Variants in GPC3 observed in about 807,000 individuals in gnomAD.
The protein encoded by GPC3 is glypican-3.
Under a neutral mutation model 34.4 loss-of-function variants are expected in GPC3, and 3 were observed. The ratio of observed to expected loss-of-function variants is 0.09; its 90% CI spans 0.04 to 0.23. GPC3 has a LOEUF of 0.23. Among genes scored for constraint, GPC3 ranks in the 10% least tolerant of loss-of-function variants. The pLI is 1.00. For synonymous variants in GPC3, 177 were observed against 174.0 expected (o/e 1.02, Z -0.13); for missense variants, 351 against 445.6 (o/e 0.79, Z 1.91).
At chrX:133,603,688 A>G (rs966945771) in intron 6 of GPC3, among the ~76,000 whole-genome samples, 13 of 111,709 alleles carry the variant, frequency 1.2e-4, no homozygotes, top group African/African-American at 4.2e-4. Flanking sequence ...ACAGGTACTC[A>G]GGGTTGTGTG....
intron 2 of GPC3, among the ~76,000 whole-genome samples, chrX:133,904,048 A>G (rs759055790): frequency 8.9e-6 from 1 of 112,427 alleles, no homozygotes; most frequent in African/African-American, 3.2e-5. Flanking sequence ...CAGATCCTCA[A>G]TACAATCTAG....
At chrX:133,911,646 C>T (rs2076200479) in intron 2 of GPC3, among the ~76,000 whole-genome samples, 2 of 111,862 alleles carry the variant, frequency 1.8e-5, no homozygotes, top group African/African-American at 6.5e-5. Flanking sequence ...CCCAATGGGG[C>T]TATACTTCCT....
At chrX:133,722,832 A>G (rs1301162049) in intron 3 of GPC3, among the ~76,000 whole-genome samples, 1 of 111,617 alleles carries the variant, frequency 9.0e-6, no homozygotes, top group Non-Finnish European at 1.9e-5. Context: ...GAATTTTGAA[A>G]AGGATATGAT....
At chrX:133,700,147 C>G (rs1362816688) in intron 3 of GPC3, 119 bp from the exon 4 acceptor site, 10 of 547,108 alleles carry the variant, frequency 1.8e-5, no homozygotes, top group Non-Finnish European at 3.1e-5. Context: ...AAAGCTATGA[C>G]TAGAGTCAAA....
intron 6 of GPC3, among the ~76,000 whole-genome samples, chrX:133,655,378 T>C (rs1365905962): frequency 1.8e-5 from 2 of 110,450 alleles, no homozygotes; most frequent in Non-Finnish European, 3.8e-5. Flanking sequence ...AGTCTAAGTC[T>C]GGTATTTAAG....
intron 7 of GPC3, among the ~76,000 whole-genome samples, chrX:133,570,666 A>G (rs2069621137): frequency 8.9e-6 from 1 of 112,053 alleles, no homozygotes; most frequent in Non-Finnish European, 1.9e-5. Context: ...TTCTTTTCTC[A>G]GCATGAGACC....
chrX:133,741,174 C>G (rs1208731734), intron 3 of GPC3, among the ~76,000 whole-genome samples: 1 of 109,707 alleles, frequency 9.1e-6, no homozygotes, highest in Non-Finnish European at 1.9e-5. Flanking sequence ...TGGCAGCCAT[C>G]TGCAAGCCAA....
At chrX:133,885,643 C>T (rs932075008) in intron 2 of GPC3, among the ~76,000 whole-genome samples, 1 of 111,148 alleles carries the variant, frequency 9.0e-6, no homozygotes, top group Non-Finnish European at 1.9e-5. Flanking sequence ...TTTGAAGAGG[C>T]CAAATCTATT....
intron 2 of GPC3, among the ~76,000 whole-genome samples, chrX:133,934,644 T>C (rs2076315116): frequency 9.1e-6 from 1 of 109,775 alleles, no homozygotes; most frequent in Admixed American, 9.8e-5. Flanking sequence ...CTCCAGTAGC[T>C]GGGACTATAG....
intron 2 of GPC3, among the ~76,000 whole-genome samples, chrX:133,850,997 G>T (rs891484243): frequency 3.6e-5 from 4 of 110,629 alleles, no homozygotes; most frequent in Non-Finnish European, 7.6e-5. Flanking sequence ...CCAGCTACTC[G>T]GGAGGCTGAG....
At chrX:133,981,669 C>T (rs2076539930) in intron 1 of GPC3, among the ~76,000 whole-genome samples, 1 of 112,262 alleles carries the variant, frequency 8.9e-6, no homozygotes, top group Non-Finnish European at 1.9e-5. Flanking sequence ...ACATTAGGAC[C>T]GCTAACTGCT....
At chrX:133,663,418 C>G (rs1305243614) in intron 5 of GPC3, among the ~76,000 whole-genome samples, 4 of 111,506 alleles carry the variant, frequency 3.6e-5, no homozygotes, top group African/African-American at 9.7e-5. Flanking sequence ...AGCCACCGAG[C>G]CTGGCCAATT....
At chrX:133,578,500 G>C (rs1192889535) in intron 7 of GPC3, among the ~76,000 whole-genome samples, 1 of 111,411 alleles carries the variant, frequency 9.0e-6, no homozygotes, top group East Asian at 2.8e-4. Flanking sequence ...ACCAGCCTGG[G>C]CAACATGGCA....
intron 1 of GPC3, among the ~76,000 whole-genome samples, chrX:133,957,988 T>C (rs2076423776): frequency 9.0e-6 from 1 of 111,487 alleles, no homozygotes; most frequent in African/African-American, 3.3e-5. Flanking sequence ...GCTTAATAAC[T>C]TGCATTCCCA....
At chrX:133,926,893 G>A (rs2076277440) in intron 2 of GPC3, among the ~76,000 whole-genome samples, 1 of 107,991 alleles carries the variant, frequency 9.3e-6, no homozygotes. Flanking sequence ...CCTGGAGCTT[G>A]GTGTTCCTTG....
At chrX:133,697,948 A>G (rs965731303) in intron 4 of GPC3, among the ~76,000 whole-genome samples, 8 of 112,043 alleles carry the variant, frequency 7.1e-5, no homozygotes, top group Non-Finnish European at 1.3e-4. Flanking sequence ...GGGGGAGCAC[A>G]GGAAGGAGAA....
intron 3 of GPC3, among the ~76,000 whole-genome samples, chrX:133,712,710 T>TCTC (rs1307125478): frequency 9.5e-6 from 1 of 105,638 alleles, no homozygotes; most frequent in African/African-American, 3.7e-5. Context: ...TGAAACCCTG[T>TCTC]CTCTACTAAA....
chrX:133,673,023 C>A (rs1200125815), intron 5 of GPC3, among the ~76,000 whole-genome samples: 15 of 105,789 alleles, frequency 1.4e-4, no homozygotes, highest in Non-Finnish European at 2.9e-4. Flanking sequence ...CTCCCTGCAA[C>A]CTCTGCCTCC....
intron 2 of GPC3, among the ~76,000 whole-genome samples, chrX:133,942,769 T>A (rs1388619683): frequency 1.8e-5 from 2 of 111,944 alleles, no homozygotes; most frequent in African/African-American, 6.5e-5. Context: ...ACTTTCAAGG[T>A]CTCACATAAT....
Sources: gnomAD v4.1 joint callset for allele counts (sites outside exome capture counted in the v4.1 genomes callset) on GRCh38, gnomAD v4.1.1 for gene constraint, MANE v1.5 for transcripts, NCBI Gene and HGNC (gene_info 2026-07-23, HGNC 2026-07-21) for gene names.